CAMK2D: variants seen among roughly 807,000 people sequenced by gnomAD.
CAMK2D encodes calcium/calmodulin-dependent protein kinase type II subunit delta.
Under a neutral mutation model 84.0 loss-of-function variants are expected in CAMK2D, and 37 were observed. That is an observed-to-expected ratio of 0.44 (90% CI 0.34 to 0.58). The LOEUF is 0.58. Ranked by LOEUF, CAMK2D falls within the 20% of genes least tolerant of loss-of-function variation. The pLI is 0.02. For synonymous variants in CAMK2D, 202 were observed against 212.5 expected, an observed-to-expected ratio of 0.95 and a Z score of 0.43; for missense variants, 448 against 652.5, an observed-to-expected ratio of 0.69 and a Z score of 3.41.
At chr4:113,557,766 G>A (rs1365807845) in intron 4 of CAMK2D, among the ~76,000 whole-genome samples, 1 of 151,942 alleles carries the variant, frequency 6.6e-6, no homozygotes, top group Non-Finnish European at 1.5e-5. Flanking sequence ...CCTACCCTTA[G>A]CTCCCCAAAA....
At chr4:113,601,683 C>CTGTTTTTTTT (rs2098953067) in intron 4 of CAMK2D, among the ~76,000 whole-genome samples, 1 of 45,816 alleles carries the variant, frequency 2.2e-5, no homozygotes, top group Non-Finnish European at 3.9e-5. Context: ...ACTGTTTATT[C>CTGTTTTTTTT]TTTTTTTTTT....
chr4:113,608,571 C>T (rs1442651633), intron 4 of CAMK2D, among the ~76,000 whole-genome samples: 3 of 152,064 alleles, frequency 2.0e-5, no homozygotes, highest in African/African-American at 7.2e-5. Context: ...TTTTTATTCC[C>T]TTTGATGAGC....
At chr4:113,713,906 T>C (rs2099503443) in intron 2 of CAMK2D, among the ~76,000 whole-genome samples, 1 of 151,864 alleles carries the variant, frequency 6.6e-6, no homozygotes, top group African/African-American at 2.4e-5. Context: ...TGCATTTATT[T>C]GGTTTTTTTT....
chr4:113,550,040 T>C lies in CAMK2D; in HGVS notation c.341+1991A>G, dbSNP rs148903164. Among the ~76,000 whole-genome samples the C allele has an allele frequency of 3.9e-5, 6 of 152,304 alleles. No individual in the cohort carries two copies. In the East Asian group the frequency reaches 1.2e-3, roughly 29 times the overall value. ...GTTCTCAAACAACAAGCATAAATTATTGAATCTTGGGAATAACAGAAGATA... is the reference window on the plus strand; with the variant it reads ...GTTCTCAAACAACAAGCATAAATTACTGAATCTTGGGAATAACAGAAGATA... On this transcript the variant is annotated intron_variant, in intron 5 of 20. Transcript: ENST00000511664.
At chr4:113,680,062 T>C (rs2099336924) in intron 2 of CAMK2D, among the ~76,000 whole-genome samples, 1 of 152,202 alleles carries the variant, frequency 6.6e-6, no homozygotes, top group Admixed American at 6.5e-5. Context: ...TTTTTCACAT[T>C]ATTATTATTT....
At chr4:113,667,497 C>A (rs2099262196) in intron 2 of CAMK2D, among the ~76,000 whole-genome samples, 1 of 152,158 alleles carries the variant, frequency 6.6e-6, no homozygotes, top group Admixed American at 6.5e-5. Context: ...AGGCCTTCTT[C>A]CTGGAGGTTT....
intron 3 of CAMK2D, among the ~76,000 whole-genome samples, chr4:113,621,487 T>C (rs965914119): frequency 6.6e-6 from 1 of 152,152 alleles, no homozygotes; most frequent in African/African-American, 2.4e-5. Context: ...GAAAATATGT[T>C]CCAAGATTCT....
intron 4 of CAMK2D, among the ~76,000 whole-genome samples, chr4:113,567,670 T>C (rs555362660): frequency 1.1e-3 from 173 of 152,344 alleles, no homozygotes; most frequent in Middle Eastern, 6.8e-3. Flanking sequence ...TCACCTTATG[T>C]TAGAACAACT....
At chr4:113,751,450 C>T (rs2099617041) in intron 2 of CAMK2D, among the ~76,000 whole-genome samples, 1 of 152,046 alleles carries the variant, frequency 6.6e-6, no homozygotes, top group Non-Finnish European at 1.5e-5. Flanking sequence ...GTTATTCATG[C>T]TTTATTTCAA....
At chr4:113,631,603 G>A (rs1040357777) in intron 3 of CAMK2D, among the ~76,000 whole-genome samples, 2 of 152,102 alleles carry the variant, frequency 1.3e-5, no homozygotes, top group African/African-American at 2.4e-5. Flanking sequence ...CAAGTCATAC[G>A]CCTCAGAAGG....
At chr4:113,718,370 G>C (rs1023848477) in intron 2 of CAMK2D, among the ~76,000 whole-genome samples, 3 of 152,148 alleles carry the variant, frequency 2.0e-5, no homozygotes, top group Admixed American at 1.3e-4. Flanking sequence ...CTGTCCTCTT[G>C]TACTGAATCA....
At chr4:113,689,071 C>T (rs1317775196) in intron 2 of CAMK2D, among the ~76,000 whole-genome samples, 1 of 151,742 alleles carries the variant, frequency 6.6e-6, no homozygotes, top group African/African-American at 2.4e-5. Context: ...GGTGAAACCC[C>T]ATCTCTACTA....
intron 3 of CAMK2D, among the ~76,000 whole-genome samples, chr4:113,611,601 G>C (rs1485020190): frequency 6.6e-6 from 1 of 152,118 alleles, no homozygotes; most frequent in Non-Finnish European, 1.5e-5. Context: ...GGTACAACTG[G>C]AGAAGTAGCA....
intron 4 of CAMK2D, among the ~76,000 whole-genome samples, chr4:113,575,084 T>C (rs907980992): frequency 7.9e-5 from 12 of 152,206 alleles, no homozygotes; most frequent in African/African-American, 1.7e-4. Flanking sequence ...GTAGTAAATG[T>C]AATCACTTTT....
intron 2 of CAMK2D, among the ~76,000 whole-genome samples, chr4:113,732,156 C>T (rs980530793): frequency 6.6e-6 from 1 of 151,758 alleles, no homozygotes; most frequent in Admixed American, 6.6e-5. Flanking sequence ...CAAGGTCTTG[C>T]TCTGTTGCCC....
At chr4:113,678,449 T>G (rs2099327683) in intron 2 of CAMK2D, among the ~76,000 whole-genome samples, 1 of 146,266 alleles carries the variant, frequency 6.8e-6, no homozygotes, top group Admixed American at 6.9e-5. Flanking sequence ...GATTTTATAG[T>G]TGGTTCTGTG....
intron 2 of CAMK2D, among the ~76,000 whole-genome samples, chr4:113,756,931 G>A (rs1423040891): frequency 1.3e-5 from 2 of 152,032 alleles, no homozygotes; most frequent in Non-Finnish European, 2.9e-5. Flanking sequence ...TAAAATTGTT[G>A]ACCATTTTGA....
intron 16 of CAMK2D, among the ~76,000 whole-genome samples, chr4:113,489,203 T>C (rs2097795486): frequency 1.3e-5 from 2 of 151,806 alleles, no homozygotes; most frequent in African/African-American, 4.8e-5. Context: ...GTTAGTTACA[T>C]ATGTATACAT....
intron 2 of CAMK2D, among the ~76,000 whole-genome samples, chr4:113,758,750 T>C (rs1393961901): frequency 6.6e-6 from 1 of 152,208 alleles, no homozygotes; most frequent in Admixed American, 6.5e-5. Context: ...TACATGAGTC[T>C]GTGTGAAGCC....
Sources: gnomAD v4.1 joint callset for allele counts (sites outside exome capture counted in the v4.1 genomes callset) on GRCh38, gnomAD v4.1.1 for gene constraint, MANE v1.5 for transcripts, NCBI Gene and HGNC (gene_info 2026-07-23, HGNC 2026-07-21) for gene names.